SND1: variants seen among roughly 807,000 people sequenced by gnomAD.
SND1 encodes the protein staphylococcal nuclease domain-containing protein 1.
SND1 carries 38 observed loss-of-function variants against 121.7 expected under a neutral mutation model. The observed-to-expected ratio is 0.31, with a 90% confidence interval of 0.24 to 0.41. The LOEUF is 0.41. SND1 is among the 10% of genes least tolerant of loss of function. The probability of loss-of-function intolerance (pLI) is 1.00; values close to 1 mark genes in which losing one functional copy is unlikely to be tolerated. For missense variants in SND1, 868 were observed against 1,184.6 expected (o/e 0.73, Z 3.92); for synonymous variants, 401 against 447.4 (o/e 0.90, Z 1.31).
intron 2 of SND1, chr7:127,686,987 CCA>C: frequency 2.2e-6 from 1 of 450,938 alleles, no homozygotes; most frequent in Non-Finnish European, 3.9e-6. Context: ...GTACCTTTTC[CCA>C]TAGACTTAGA....
At chr7:127,891,848 C>G (rs1385740458) in intron 13 of SND1, among the ~76,000 whole-genome samples, 3 of 152,100 alleles carry the variant, frequency 2.0e-5, no homozygotes, top group Non-Finnish European at 4.4e-5. Flanking sequence ...ATTAATTTCC[C>G]AAGCAAAATT....
intron 11 of SND1, among the ~76,000 whole-genome samples, chr7:127,816,320 C>T (rs1011715415): frequency 2.0e-5 from 3 of 152,218 alleles, no homozygotes; most frequent in Non-Finnish European, 4.4e-5. Flanking sequence ...ATAATTAGCA[C>T]AAGACTGTCT....
In SND1 at chr7:127,769,706, G is replaced by GTA. The variant is rs541770300; in HGVS notation, c.1153-37769_1153-37768dup. Among the ~76,000 whole-genome samples, 11 of 152,050 alleles carry GTA rather than the reference G, an allele frequency of 7.2e-5. No individual in the cohort carries two copies. The East Asian group carries it at 1.9e-3, about 27-fold the overall frequency. On this transcript the variant is annotated intron_variant, in intron 10 of 23. Transcript: ENST00000354725. ...CTGGGTGTTTGTGTGTTGTATATGT[G>GTA]TATATATATAAATGCATATATAGAT...
At chr7:127,752,684 T>C (rs1338098263) in intron 10 of SND1, among the ~76,000 whole-genome samples, 1 of 152,242 alleles carries the variant, frequency 6.6e-6, no homozygotes, top group East Asian at 1.9e-4. Context: ...CCATTGTAGC[T>C]GAAATTAAAC....
intron 1 of SND1, among the ~76,000 whole-genome samples, chr7:127,654,805 G>A (rs1240696797): frequency 6.6e-6 from 1 of 152,214 alleles, no homozygotes; most frequent in East Asian, 1.9e-4. Flanking sequence ...GGAAAGCTGA[G>A]TGAACTGCAG....
chr7:128,076,476 C>T (rs905866344), intron 17 of SND1, among the ~76,000 whole-genome samples: 7 of 152,268 alleles, frequency 4.6e-5, no homozygotes, highest in South Asian at 2.1e-4. Context: ...CCTGAGGAAC[C>T]GAGGCTGGCT....
In SND1 at chr7:128,052,265, AG is replaced by A. The variant is rs1399510250; in HGVS notation, c.1780-22235del. The stretch of plus-strand genomic sequence containing the variant: ...TCTTCTGCCTGGACTTAGGGATTAC[AG>A]GCCATTTATGTCCAGCTCTAGCTCA... On this transcript the variant is annotated intron_variant, in intron 16 of 23. Coordinates refer to ENST00000354725, the MANE Select transcript of SND1 (RefSeq NM_014390.4). This position sits in a 1 kb window ranked among gnomAD's most constrained non-coding sequence, Gnocchi z 4.6. Among the ~76,000 whole-genome samples the A allele has an allele frequency of 6.6e-6, 1 of 152,196 alleles. No individual in the cohort carries two copies. Among genetic ancestry groups the A allele is most frequent in the African/African-American group, 2.4e-5 (1 of 41,446 alleles).
At chr7:127,969,396 C>T (rs1801926770) in intron 15 of SND1, among the ~76,000 whole-genome samples, 1 of 152,118 alleles carries the variant, frequency 6.6e-6, no homozygotes. Flanking sequence ...TGGCTCCATT[C>T]GCTCGTATAC....
chr7:127,914,901 G>A (rs930133472), intron 14 of SND1, among the ~76,000 whole-genome samples: 1 of 152,162 alleles, frequency 6.6e-6, no homozygotes, highest in Non-Finnish European at 1.5e-5. Context: ...TGGGAAATGG[G>A]TATGATAATG....
At chr7:127,792,901 C>T (rs1008390627) in intron 10 of SND1, among the ~76,000 whole-genome samples, 1 of 152,214 alleles carries the variant, frequency 6.6e-6, no homozygotes, top group African/African-American at 2.4e-5. Flanking sequence ...AAGATCTGCC[C>T]CTTCTTCCAG....
chr7:127,896,548 C>G (rs975726245), intron 13 of SND1, among the ~76,000 whole-genome samples: 1 of 152,126 alleles, frequency 6.6e-6, no homozygotes, highest in Non-Finnish European at 1.5e-5. Flanking sequence ...ATTTGAGAAG[C>G]ACTGCCCTAA....
In SND1 at chr7:127,974,806, G is replaced by A. The variant is rs550468402; in HGVS notation, c.1670-16141G>A. 3.3e-5 allele frequency among the ~76,000 whole-genome samples: 5 copies of A among 152,238 alleles called. No individual in the cohort carries two copies. In the East Asian group the frequency reaches 7.7e-4, roughly 23 times the overall value. On this transcript the variant is annotated intron_variant, in intron 15 of 23. Coordinates refer to ENST00000354725, the MANE Select transcript of SND1 (RefSeq NM_014390.4). ...GTGAAATTTGCCTCACCGCTCCCCC[G>A]CCCTTTTGCTGACAGCTGTCCTCTT...
chr7:128,042,951 A>C (rs531612108), intron 16 of SND1, among the ~76,000 whole-genome samples: 1 of 152,364 alleles, frequency 6.6e-6, no homozygotes, highest in East Asian at 1.9e-4. Context: ...GGTGAACAAG[A>C]CCATTCTCAT....
intron 10 of SND1, among the ~76,000 whole-genome samples, chr7:127,725,492 C>G (rs1411440042): frequency 6.6e-6 from 1 of 152,178 alleles, no homozygotes; most frequent in Non-Finnish European, 1.5e-5. Context: ...CTAGTTAGAA[C>G]AGGCTGGTAG....
rs1797486587 is a variant in SND1 at position 127,770,029 on chromosome 7, G to A, written c.1153-37455G>A. 2.0e-5 allele frequency among the ~76,000 whole-genome samples: 3 copies of A among 152,316 alleles called. No individual in the cohort carries two copies. In the South Asian group the frequency reaches 6.2e-4, roughly 32 times the overall value. On this transcript the variant is annotated intron_variant, in intron 10 of 23. Transcript: ENST00000354725. ...CTTCTGAATGGAGGGAAATGGAAGT[G>A]CTTTGGGACCTTGCTGCTGCCTAAC... is the stretch of plus-strand genomic sequence containing the variant.
chr7:127,812,358 T>C (rs1028332184), intron 11 of SND1, among the ~76,000 whole-genome samples: 3 of 152,192 alleles, frequency 2.0e-5, no homozygotes, highest in African/African-American at 4.8e-5. Context: ...AGTATCTCAT[T>C]AGTCTTTGAG....
intron 15 of SND1, among the ~76,000 whole-genome samples, chr7:127,963,143 T>G (rs1801772228): frequency 6.6e-6 from 1 of 152,208 alleles, no homozygotes; most frequent in Admixed American, 6.5e-5. Context: ...TATTCTAAGC[T>G]GTGTGAAAAT....
intron 11 of SND1, among the ~76,000 whole-genome samples, chr7:127,839,545 A>C (rs1798926667): frequency 6.6e-6 from 1 of 152,178 alleles, no homozygotes; most frequent in Admixed American, 6.6e-5. Flanking sequence ...TGTTCTAGTC[A>C]TACATTGTAT....
chr7:127,755,754 A>G (rs1306128387), intron 10 of SND1, among the ~76,000 whole-genome samples: 2 of 152,218 alleles, frequency 1.3e-5, no homozygotes, highest in Non-Finnish European at 2.9e-5. Context: ...CCTGTAGGAT[A>G]ATGAATTGTC....
Sources: allele counts gnomAD v4.1 joint callset (sites outside exome capture counted in the v4.1 genomes callset), GRCh38; gene constraint gnomAD v4.1.1; non-coding constraint Gnocchi (gnomAD v3.1); transcripts MANE v1.5; gene names NCBI Gene and HGNC (gene_info 2026-07-23, HGNC 2026-07-21).